PTPRM: variants seen among roughly 807,000 people sequenced by gnomAD.
PTPRM encodes the protein receptor-type tyrosine-protein phosphatase mu.
In PTPRM, 47 loss-of-function variants were observed where a neutral mutation model predicts 186.7. The observed-to-expected ratio is 0.25, with a 90% CI of 0.20 to 0.32. The LOEUF is 0.32. PTPRM is among the 10% of genes least tolerant of loss of function. The pLI, the probability that PTPRM is intolerant of heterozygous loss-of-function variation, is 1.00. For synonymous variants in PTPRM, 668 were observed against 674.9 expected (o/e 0.99, Z 0.16); for missense variants, 1,494 against 1,865.0 (o/e 0.80, Z 3.66).
At chr18:8,178,807 A>AATAAAAG (rs1195751058) in intron 14 of PTPRM, among the ~76,000 whole-genome samples, 1 of 151,814 alleles carries the variant, frequency 6.6e-6, no homozygotes. Context: ...ATAATAATAA[A>AATAAAAG]ATAAAAAATA....
intron 30 of PTPRM, among the ~76,000 whole-genome samples, chr18:8,385,587 C>T (rs1200516724): frequency 3.3e-5 from 5 of 152,130 alleles, no homozygotes; most frequent in African/African-American, 9.7e-5. Context: ...AGCAAGGAGG[C>T]GGCATGGCCC....
At chr18:7,640,661 A>T (rs1721259661) in intron 1 of PTPRM, among the ~76,000 whole-genome samples, 1 of 152,118 alleles carries the variant, frequency 6.6e-6, no homozygotes, top group Non-Finnish European at 1.5e-5. Flanking sequence ...CCATGGGGAA[A>T]GGGAGGAGCC....
intron 14 of PTPRM, among the ~76,000 whole-genome samples, chr18:8,197,159 C>A (rs16953029): frequency 1.9e-3 from 291 of 152,270 alleles, no homozygotes; most frequent in African/African-American, 6.6e-3. Context: ...CATTAAATAA[C>A]ATTATAGTCA....
intron 1 of PTPRM, among the ~76,000 whole-genome samples, chr18:7,738,351 G>C (rs546300445): frequency 6.6e-6 from 1 of 152,318 alleles, no homozygotes; most frequent in East Asian, 1.9e-4. Flanking sequence ...AAGTTGTTTA[G>C]ATGCTTGAAG....
intron 14 of PTPRM, among the ~76,000 whole-genome samples, chr18:8,148,089 A>G (rs1232186482): frequency 6.6e-6 from 1 of 152,150 alleles, no homozygotes; most frequent in African/African-American, 2.4e-5. Context: ...CATCAGGGAT[A>G]TTGGCCTGAA....
In PTPRM at chr18:8,253,313, C is replaced by G; in HGVS notation, c.2653C>G (p.Gln885Glu). Residue 885 changes from glutamine (Q) to glutamate (E), a missense_variant, in exon 19 of 33, where the codon CAG (glutamine) becomes GAG (glutamate). Transcript: ENST00000580170. ...KKREPADVPY[Q>E]TGQLHPAIRV... Reference sequence around the variant, plus strand: ...GCGAGAGCCGGCCGACGTGCCCTATCAGACTGGGCAGCTCCACCCCGCCAT... The same window carrying G: ...GCGAGAGCCGGCCGACGTGCCCTATGAGACTGGGCAGCTCCACCCCGCCAT... 1 of 1,599,438 alleles carries G rather than the reference C, an allele frequency of 6.3e-7. No homozygotes were observed. The highest frequency in any genetic ancestry group is 8.5e-7 in the Non-Finnish European group (1 of 1,173,140).
intron 7 of PTPRM, among the ~76,000 whole-genome samples, chr18:8,063,879 A>G (rs2088832775): frequency 6.6e-6 from 1 of 152,206 alleles, no homozygotes; most frequent in South Asian, 2.1e-4. Flanking sequence ...TAGCCAAACC[A>G]AGAACTAAGC....
intron 1 of PTPRM, among the ~76,000 whole-genome samples, chr18:7,684,161 G>A (rs1304701234): frequency 2.0e-5 from 3 of 151,970 alleles, no homozygotes; most frequent in African/African-American, 4.8e-5. Context: ...GTAGCCTGGT[G>A]TGGTGGTACA....
intron 2 of PTPRM, among the ~76,000 whole-genome samples, chr18:7,834,184 T>C (rs552137295): frequency 1.2e-4 from 19 of 152,218 alleles, no homozygotes; most frequent in African/African-American, 4.3e-4. Flanking sequence ...TCAATTGAAA[T>C]GATCGTATGG....
At chr18:8,106,185 G>T (rs1299794832) in intron 11 of PTPRM, among the ~76,000 whole-genome samples, 1 of 152,100 alleles carries the variant, frequency 6.6e-6, no homozygotes. Context: ...GACTCCTGGG[G>T]GCATACCTGC....
At chr18:7,579,865 A>G (rs919286411) in intron 1 of PTPRM, among the ~76,000 whole-genome samples, 3 of 152,218 alleles carry the variant, frequency 2.0e-5, no homozygotes, top group Non-Finnish European at 4.4e-5. Flanking sequence ...TAGGTGCCCC[A>G]TAAGGATGGA....
chr18:8,108,877 A>T (rs939413616), intron 11 of PTPRM, among the ~76,000 whole-genome samples: 1 of 152,228 alleles, frequency 6.6e-6, no homozygotes, highest in Non-Finnish European at 1.5e-5. Context: ...TAAATTCCAG[A>T]ATAATGGTAG....
chr18:8,077,112 A>G (rs1338583964), intron 9 of PTPRM, among the ~76,000 whole-genome samples: 2 of 152,196 alleles, frequency 1.3e-5, no homozygotes, highest in Non-Finnish European at 1.5e-5. Context: ...GAAGAATTTG[A>G]TGAATTGTTC....
chr18:8,169,462 C>T (rs2093367568), intron 14 of PTPRM, among the ~76,000 whole-genome samples: 1 of 152,042 alleles, frequency 6.6e-6, no homozygotes, highest in African/African-American at 2.4e-5. Context: ...GGTCTACTTC[C>T]CCTGTTGCCG....
chr18:7,958,881 T>C (rs982319473), intron 7 of PTPRM, among the ~76,000 whole-genome samples: 6 of 152,148 alleles, frequency 3.9e-5, no homozygotes, highest in Admixed American at 1.3e-4. Flanking sequence ...TGCCTGGGTT[T>C]TGTGCTAAAA....
rs1210639519 is a variant in PTPRM, at chr18:8,085,802, T to G, written c.1683T>G (p.Phe561Leu). ...TGTATCCGGGGACCACATACTCCTT[T>G]ACCATCCGAGCTAGCACAGCTAAGG... is the stretch of plus-strand genomic sequence containing the variant. The part of the protein sequence containing the change: ...FGLYPGTTYS[F>L]TIRASTAKGF... The change falls in exon 10 of 33, where the codon TTT becomes TTG. Residue 561 changes from phenylalanine (F) to leucine (L), a missense_variant. By Grantham distance (22) the Phe-to-Leu change is conservative. This residue lies in a region of PTPRM where 1,107 missense variants were observed against 1,350.2 expected (regional missense o/e 0.82). Transcript: ENST00000580170. 6.2e-7 allele frequency: 1 copy of G among 1,613,584 alleles called. No individual in the cohort carries two copies. Among genetic ancestry groups the G allele is most frequent in the South Asian group, 1.1e-5 (1 of 91,074 alleles).
chr18:8,128,189 C>A (rs75872203), intron 13 of PTPRM, among the ~76,000 whole-genome samples: 3,288 of 152,186 alleles, frequency 0.022, 121 homozygotes, highest in African/African-American at 0.076. Flanking sequence ...AGCAGATAAC[C>A]AACTGATTGA....
intron 2 of PTPRM, among the ~76,000 whole-genome samples, chr18:7,862,298 G>A (rs1024425893): frequency 1.3e-5 from 2 of 152,184 alleles, no homozygotes; most frequent in East Asian, 1.9e-4. Context: ...AGTAGTGAAT[G>A]TAACATGTTG....
At chr18:8,091,115 A>G (rs2090699016) in intron 11 of PTPRM, among the ~76,000 whole-genome samples, 1 of 152,126 alleles carries the variant, frequency 6.6e-6, no homozygotes, top group African/African-American at 2.4e-5. Flanking sequence ...TGGTGTCCTC[A>G]GGCTTCCTAT....
Sources: gnomAD v4.1 joint callset for allele counts (sites outside exome capture counted in the v4.1 genomes callset) on GRCh38, gnomAD v4.1.1 for gene constraint, gnomAD v4.1.1 regional missense constraint, MANE v1.5 for transcripts, NCBI Gene and HGNC (gene_info 2026-07-23, HGNC 2026-07-21) for gene names.